Variants in PCDH15 observed in about 807,000 individuals in gnomAD.
PCDH15 encodes the protein protocadherin related 15.
A neutral mutation model predicts 178.5 loss-of-function variants in PCDH15; 129 were observed. The ratio of observed to expected loss-of-function variants is 0.72; its 90% confidence interval spans 0.63 to 0.84. The LOEUF (loss-of-function observed/expected upper bound fraction) is 0.84. PCDH15 is among the 40% of genes least tolerant of loss of function. The pLI, the probability that PCDH15 is intolerant of heterozygous loss-of-function variation, is 0.00. For synonymous variants in PCDH15, 800 were observed against 732.0 expected (o/e 1.09, Z -1.50); for missense variants, 2,230 against 2,099.9 (o/e 1.06, Z -1.21).
chr10:54,828,257 T>C (rs953498096), intron 3 of PCDH15, among the ~76,000 whole-genome samples: 2 of 151,994 alleles, frequency 1.3e-5, no homozygotes, highest in Non-Finnish European at 2.9e-5. Flanking sequence ...GATAACATTC[T>C]AGAGTTGAAG....
At position 54,794,115 on chromosome 10, in the gene PCDH15, GATATATATAAGAT is replaced by G. The variant is rs1209236507; in HGVS notation, c.-29+6797_-29+6809del. Among the ~76,000 whole-genome samples, 10 of 144,528 alleles carry G rather than the reference GATATATATAAGAT, an allele frequency of 6.9e-5. No individual in the cohort carries two copies. The East Asian group carries it at 1.2e-3, about 17-fold the overall frequency. The allele number at this position is 144,528 out of a possible 152,430, so 94.8% of individuals were successfully genotyped here. A position where few individuals can be genotyped will look rare whatever the true frequency, so the allele number is the denominator to read the frequency against. On this transcript the variant is annotated intron_variant, in intron 1 of 37. Transcript: ENST00000644397. ...TAAGATATATATTTCTTTCCTTTAAGATATATATAAGATATATATATATCTTATATATATCTTA... is the reference window on the plus strand; with the variant it reads ...TAAGATATATATTTCTTTCCTTTAAGATATATATATCTTATATATATCTTA...
At chr10:55,150,230 C>T (rs1311179847) in intron 2 of PCDH15, among the ~76,000 whole-genome samples, 5 of 151,886 alleles carry the variant, frequency 3.3e-5, no homozygotes, top group African/African-American at 1.2e-4. Flanking sequence ...TGACAGCTGC[C>T]AATCCAAGGG....
At chr10:54,379,211 A>G (rs544668648) in intron 3 of PCDH15, among the ~76,000 whole-genome samples, 44 of 152,216 alleles carry the variant, frequency 2.9e-4, no homozygotes, top group Admixed American at 2.6e-3. Flanking sequence ...AACAACATAA[A>G]TCTGTTTCCC....
At chr10:55,077,265 T>C (rs571718287) in intron 2 of PCDH15, among the ~76,000 whole-genome samples, 1 of 152,280 alleles carries the variant, frequency 6.6e-6, no homozygotes, top group East Asian at 1.9e-4. Flanking sequence ...ATTTAATCTA[T>C]TTACATTCAA....
upstream of PCDH15, among the ~76,000 whole-genome samples, chr10:54,805,217 T>G (rs1474384866): frequency 6.6e-6 from 1 of 151,856 alleles, no homozygotes; most frequent in African/African-American, 2.4e-5. Flanking sequence ...GGCTGAGTCC[T>G]GGAGTCAATA....
chr10:54,713,489 G>C (rs2132391384), intron 1 of PCDH15, among the ~76,000 whole-genome samples: 1 of 152,138 alleles, frequency 6.6e-6, no homozygotes, highest in East Asian at 1.9e-4. Flanking sequence ...GTGTTGTTCT[G>C]GCTTTTTAAA....
intron 2 of PCDH15, among the ~76,000 whole-genome samples, chr10:55,596,517 C>A (rs1842938037): frequency 6.6e-6 from 1 of 151,848 alleles, no homozygotes; most frequent in Non-Finnish European, 1.5e-5. Flanking sequence ...ATATGCAAGG[C>A]AGAGAAAATA....
chr10:54,307,104 GTATATATATATATATATATATA>G lies in PCDH15; in HGVS notation c.876+10145_876+10166del, dbSNP rs1170885233. ...TACATATATATATATGTGTGTGTGT[GTATATATATATATATATATATA>G]TATATATATATATATATATATATAA... On this transcript the variant is annotated intron_variant, in intron 8 of 37. Coordinates refer to ENST00000644397, the MANE Select transcript of PCDH15 (RefSeq NM_001384140.1). Among the ~76,000 whole-genome samples the G allele has an allele frequency of 2.0e-3, 54 of 26,564 alleles. 6 individuals carry two copies. In the East Asian group the frequency reaches 0.057, roughly 28 times the overall value. The allele number at this position is 26,564 out of a possible 152,430, so 17.4% of individuals were successfully genotyped here. A position where few individuals can be genotyped will look rare whatever the true frequency, so the allele number is the denominator to read the frequency against.
chr10:55,429,981 C>G (rs973365067), intron 2 of PCDH15, among the ~76,000 whole-genome samples: 1 of 152,056 alleles, frequency 6.6e-6, no homozygotes, highest in African/African-American at 2.4e-5. Flanking sequence ...TTTTATTTAA[C>G]TATAACATTT....
At chr10:54,319,939 C>A (rs542422223) in intron 7 of PCDH15, among the ~76,000 whole-genome samples, 10 of 152,042 alleles carry the variant, frequency 6.6e-5, no homozygotes, top group African/African-American at 2.4e-4. Context: ...GTCAGTACAA[C>A]CTTGTCTAGA....
At chr10:54,186,649 T>C (rs1564631408) in intron 11 of PCDH15, among the ~76,000 whole-genome samples, 3 of 151,976 alleles carry the variant, frequency 2.0e-5, no homozygotes, top group Non-Finnish European at 2.9e-5. Flanking sequence ...ATACTACACA[T>C]AATAATTCCA....
intron 3 of PCDH15, among the ~76,000 whole-genome samples, chr10:54,394,952 G>A (rs565666037): frequency 6.6e-6 from 1 of 152,266 alleles, no homozygotes; most frequent in South Asian, 2.1e-4. Context: ...GGTGGTCAGA[G>A]TTTAAGGTTA....
chr10:54,932,754 C>T (rs1837812837), intron 2 of PCDH15, among the ~76,000 whole-genome samples: 1 of 152,054 alleles, frequency 6.6e-6, no homozygotes, highest in South Asian at 2.1e-4. Flanking sequence ...TCAGGCAGGT[C>T]TCAAACCCCT....
At chr10:54,674,293 T>A (rs754019694) in intron 1 of PCDH15, among the ~76,000 whole-genome samples, 25 of 152,148 alleles carry the variant, frequency 1.6e-4, no homozygotes, top group Non-Finnish European at 3.2e-4. Context: ...ATTTTTTGAG[T>A]ATGATAGATG....
intron 1 of PCDH15, among the ~76,000 whole-genome samples, chr10:55,233,221 G>C (rs1365035885): frequency 6.6e-6 from 1 of 151,964 alleles, no homozygotes; most frequent in Admixed American, 6.6e-5. Context: ...AAATAAACAT[G>C]CTTTTTCAAT....
intron 3 of PCDH15, among the ~76,000 whole-genome samples, chr10:54,416,340 T>C (rs1326741417): frequency 6.6e-6 from 1 of 152,074 alleles, no homozygotes; most frequent in Non-Finnish European, 1.5e-5. Context: ...GTGTTCTCAT[T>C]GTTCAACCCC....
At chr10:53,852,436 A>G (rs2078446169) in intron 28 of PCDH15, among the ~76,000 whole-genome samples, 3 of 152,078 alleles carry the variant, frequency 2.0e-5, no homozygotes, top group Admixed American at 2.0e-4. Context: ...AAAAAGGTAT[A>G]TGTTTCCTTA....
chr10:54,935,227 T>A (rs1443601853), intron 2 of PCDH15, among the ~76,000 whole-genome samples: 2 of 151,834 alleles, frequency 1.3e-5, no homozygotes, highest in Non-Finnish European at 2.9e-5. Flanking sequence ...ACTTAAAGTA[T>A]AATAATAATA....
intron 3 of PCDH15, among the ~76,000 whole-genome samples, chr10:54,405,833 G>T (rs1392521571): frequency 6.6e-6 from 1 of 151,114 alleles, no homozygotes; most frequent in East Asian, 1.9e-4. Flanking sequence ...ATGAAGGCTA[G>T]AAGTTGAGGT....
Sources: allele counts gnomAD v4.1 joint callset (sites outside exome capture counted in the v4.1 genomes callset), GRCh38; gene constraint gnomAD v4.1.1; transcripts MANE v1.5; gene names NCBI Gene and HGNC (gene_info 2026-07-23, HGNC 2026-07-21).